Variants in ACTR3C observed in about 807,000 individuals in gnomAD.
The protein encoded by ACTR3C is actin related protein 3C, also known as actin-related protein 3C.
ACTR3C carries 18 observed loss-of-function variants against 26.3 expected under a neutral mutation model. The ratio of observed to expected loss-of-function variants is 0.68; its 90% CI spans 0.47 to 1.01. The LOEUF is 1.01. Ranked by LOEUF, ACTR3C falls within the 50% of genes least tolerant of loss-of-function variation. The pLI is 0.00. For synonymous variants in ACTR3C, 55 were observed against 94.5 expected (o/e 0.58, Z 2.42); for missense variants, 184 against 250.7 (o/e 0.73, Z 1.80).
the ACTR3C span, among the ~76,000 whole-genome samples, chr7:150,232,348 G>A: frequency 4.9e-4 from 74 of 151,918 alleles, no homozygotes; most frequent in Middle Eastern, 3.4e-3. Flanking sequence ...TCTTTACACC[G>A]TTTAGATTTA....
intron 1 of ACTR3C, 180 bp downstream of exon 1, chr7:150,323,289 C>A (rs1240908519): frequency 7.7e-6 from 2 of 260,946 alleles, no homozygotes; most frequent in Non-Finnish European, 1.5e-5. Flanking sequence ...GAAGTAACCC[C>A]TGGCGCATCC....
At chr7:150,139,247 G>A in the ACTR3C span, among the ~76,000 whole-genome samples, 3,688 of 151,744 alleles carry the variant, frequency 0.024, 45 homozygotes, top group African/African-American at 0.084. Context: ...AGACAGCAGC[G>A]AGGGAAGCTC....
At chr7:150,006,081 T>G in the ACTR3C span, among the ~76,000 whole-genome samples, 44 of 152,288 alleles carry the variant, frequency 2.9e-4, no homozygotes, top group African/African-American at 1.0e-3. Context: ...TTGCTGTGAG[T>G]GCCCACTGAT....
the ACTR3C span, among the ~76,000 whole-genome samples, chr7:149,891,900 TTA>T: frequency 0.018 from 280 of 15,472 alleles, 1 homozygote; most frequent in African/African-American, 0.022. Context: ...ATCTGGAGCT[TTA>T]AAAAAAAAAA....
chr7:149,970,311 G>A, the ACTR3C span, among the ~76,000 whole-genome samples: 8 of 151,708 alleles, frequency 5.3e-5, no homozygotes, highest in South Asian at 2.1e-4. Context: ...TTCAGGTTTC[G>A]AATCGTGATG....
the ACTR3C span, among the ~76,000 whole-genome samples, chr7:150,089,704 T>A: frequency 4.3e-3 from 650 of 152,196 alleles, 6 homozygotes; most frequent in African/African-American, 0.015. Flanking sequence ...CCACTCAAGT[T>A]CCCATTTCTA....
At chr7:150,039,972 G>A in the ACTR3C span, among the ~76,000 whole-genome samples, 6 of 140,534 alleles carry the variant, frequency 4.3e-5, no homozygotes, top group African/African-American at 7.7e-5. Context: ...TCCCCGCCTC[G>A]CGGGGATTGC....
the ACTR3C span, among the ~76,000 whole-genome samples, chr7:149,910,219 T>TG: frequency 6.9e-6 from 1 of 143,910 alleles, no homozygotes; most frequent in Non-Finnish European, 1.5e-5. Context: ...CTTTGCGGGG[T>TG]GGGGGGCGGC....
chr7:150,055,117 A>G, the ACTR3C span, among the ~76,000 whole-genome samples: 1 of 152,316 alleles, frequency 6.6e-6, no homozygotes, highest in East Asian at 1.9e-4. Flanking sequence ...TTTTTAATCT[A>G]CTCATACAGT....
At chr7:150,143,602 G>T in the ACTR3C span, among the ~76,000 whole-genome samples, 1 of 152,200 alleles carries the variant, frequency 6.6e-6, no homozygotes, top group Non-Finnish European at 1.5e-5. Flanking sequence ...GATCCCCGGT[G>T]AGTATATCCG....
chr7:150,216,207 ATAAG>A, the ACTR3C span, among the ~76,000 whole-genome samples: 1 of 152,230 alleles, frequency 6.6e-6, no homozygotes. Context: ...GTCTCAAATT[ATAAG>A]TAATACAAAG....
chr7:149,957,662 G>C, the ACTR3C span, among the ~76,000 whole-genome samples: 2 of 151,936 alleles, frequency 1.3e-5, no homozygotes, highest in African/African-American at 4.9e-5. Context: ...GAGTTGAACT[G>C]AGCCACACTG....
At chr7:150,256,711 T>A (rs1289907421) in intron 6 of ACTR3C, among the ~76,000 whole-genome samples, 1 of 151,960 alleles carries the variant, frequency 6.6e-6, no homozygotes, top group African/African-American at 2.4e-5. Context: ...TAGTGACACA[T>A]AATTTATACA....
the ACTR3C span, among the ~76,000 whole-genome samples, chr7:150,099,961 C>A: frequency 3.2e-4 from 48 of 151,770 alleles, 2 homozygotes; most frequent in African/African-American, 1.1e-3. Flanking sequence ...AGCTGGCACC[C>A]ATAAGTATCC....
chr7:149,921,648 A>G, the ACTR3C span, among the ~76,000 whole-genome samples: 4 of 152,138 alleles, frequency 2.6e-5, no homozygotes, highest in Non-Finnish European at 5.9e-5. Context: ...AGGCTGAGGC[A>G]GGCAGATCAC....
the ACTR3C span, among the ~76,000 whole-genome samples, chr7:149,954,193 G>A: frequency 2.6e-4 from 39 of 152,184 alleles, no homozygotes; most frequent in Non-Finnish European, 4.7e-4. Flanking sequence ...TATTAATAAT[G>A]TGAATAGGCA....
intron 6 of ACTR3C, among the ~76,000 whole-genome samples, chr7:150,270,968 T>A (rs1329786709): frequency 6.6e-6 from 1 of 151,838 alleles, no homozygotes; most frequent in Middle Eastern, 3.2e-3. Flanking sequence ...ACAACAACCC[T>A]CTTATAATGT....
chr7:150,111,652 A>C, the ACTR3C span, among the ~76,000 whole-genome samples: 1 of 115,694 alleles, frequency 8.6e-6, no homozygotes. Context: ...GCACACGCTC[A>C]CCCACACTCA....
chr7:150,272,272 G>A (rs73728108), intron 6 of ACTR3C, among the ~76,000 whole-genome samples: 5,037 of 139,062 alleles, frequency 0.036, 1,446 homozygotes, highest in African/African-American at 0.15. Flanking sequence ...GACGTCCCCC[G>A]AGCAGCTGAG....
Sources: allele counts gnomAD v4.1 joint callset (sites outside exome capture counted in the v4.1 genomes callset), GRCh38; gene constraint gnomAD v4.1.1; transcripts MANE v1.5; gene names NCBI Gene and HGNC (gene_info 2026-07-23, HGNC 2026-07-21).